EEPD1: variants seen among roughly 807,000 people sequenced by gnomAD.
EEPD1 encodes the protein endonuclease/exonuclease/phosphatase family domain containing 1, also known as endonuclease/exonuclease/phosphatase family domain-containing protein 1.
In EEPD1, 17 loss-of-function variants were observed where a neutral mutation model predicts 46.3. The observed-to-expected ratio is 0.37, with a 90% CI of 0.25 to 0.55. The LOEUF (loss-of-function observed/expected upper bound fraction) is 0.55, where lower values mean the gene tolerates loss of function less well. Ranked by LOEUF, EEPD1 falls within the 20% of genes least tolerant of loss-of-function variation. EEPD1 has a pLI of 0.83. For missense variants in EEPD1, 673 were observed against 745.6 expected (o/e 0.90, Z 1.13); for synonymous variants, 313 against 315.6 (o/e 0.99, Z 0.09).
intron 2 of EEPD1, among the ~76,000 whole-genome samples, chr7:36,226,577 C>T (rs1786235303): frequency 6.6e-6 from 1 of 152,192 alleles, no homozygotes; most frequent in Admixed American, 6.5e-5. Flanking sequence ...GTGAACTCAG[C>T]ACAAAGTAGA....
chr7:36,249,797 G>A (rs749281669), intron 3 of EEPD1, among the ~76,000 whole-genome samples: 39 of 152,036 alleles, frequency 2.6e-4, no homozygotes, highest in Admixed American at 2.0e-3. Flanking sequence ...CCTGTAGCTC[G>A]CATTGTAACT....
chr7:36,169,180 A>C (rs1372896983), intron 2 of EEPD1, among the ~76,000 whole-genome samples: 1 of 152,200 alleles, frequency 6.6e-6, no homozygotes, highest in Non-Finnish European at 1.5e-5. Context: ...TGCTAAGAAC[A>C]TTCATGTACA....
At chr7:36,214,556 G>T (rs921915487) in intron 2 of EEPD1, among the ~76,000 whole-genome samples, 2 of 152,130 alleles carry the variant, frequency 1.3e-5, no homozygotes, top group Non-Finnish European at 1.5e-5. Context: ...CAGTCTGGTC[G>T]CATCTGCCTC....
In EEPD1 at chr7:36,247,122, CAA is replaced by C. The variant is rs35947069; in HGVS notation, c.930+8102_930+8103del. Among the ~76,000 whole-genome samples the C allele has an allele frequency of 2.0e-3, 210 of 107,206 alleles. 1 individual carries two copies. The highest frequency in any genetic ancestry group is 4.3e-3 in the Middle Eastern group (1 of 234). 70.3% of individuals were successfully genotyped at this position (107,206 alleles called of 152,430 possible). ...TGGGTGACAGAGTGAGACTCCATCT[CAA>C]AAAAAAAAAAAAAAAGAAAAGAAAA... On this transcript the variant is annotated intron_variant, in intron 3 of 7. Transcript: ENST00000242108.
At chr7:36,202,387 C>T (rs1466148837) in intron 2 of EEPD1, among the ~76,000 whole-genome samples, 2 of 152,126 alleles carry the variant, frequency 1.3e-5, no homozygotes, top group East Asian at 3.9e-4. Context: ...TTATTTTCTG[C>T]AGGGACTTGG....
At chr7:36,274,251 C>T (rs1336851789) in intron 3 of EEPD1, among the ~76,000 whole-genome samples, 1 of 152,172 alleles carries the variant, frequency 6.6e-6, no homozygotes, top group East Asian at 1.9e-4. Flanking sequence ...GCTTTATGAC[C>T]ATGTTACATC....
intron 6 of EEPD1, among the ~76,000 whole-genome samples, chr7:36,291,755 C>T (rs557503941): frequency 4.6e-5 from 7 of 152,310 alleles, no homozygotes; most frequent in African/African-American, 1.2e-4. Context: ...TGCCAAGTGT[C>T]GTGGATACAT....
At chr7:36,238,488 C>T (rs919826421) in intron 2 of EEPD1, among the ~76,000 whole-genome samples, 1 of 152,160 alleles carries the variant, frequency 6.6e-6, no homozygotes, top group African/African-American at 2.4e-5. Context: ...TAAGTGGGAT[C>T]GTATAGTATT....
chr7:36,238,561 G>A (rs1562697982), intron 2 of EEPD1, among the ~76,000 whole-genome samples: 2 of 152,194 alleles, frequency 1.3e-5, no homozygotes, highest in South Asian at 2.1e-4. Flanking sequence ...GGCGTGGCAT[G>A]TATCAGAATG....
chr7:36,160,701 G>C (rs1221155622), intron 2 of EEPD1, among the ~76,000 whole-genome samples: 1 of 151,564 alleles, frequency 6.6e-6, no homozygotes, highest in Admixed American at 6.6e-5. Flanking sequence ...GCATGGAGAG[G>C]GTCCTGGGAG....
chr7:36,154,134 C>T lies in EEPD1; in HGVS notation c.-191C>T, dbSNP rs993799887. The stretch of plus-strand genomic sequence containing the variant: ...TATGTTTATTGATTTATTTTCTAGG[C>T]GGCCAAGTGAAAGGTAATTTTGGAC... On this transcript the variant is annotated splice_region_variant and 5_prime_UTR_variant, in exon 2 of 8. Transcript: ENST00000242108. The surrounding 1 kb of genome is among the most constrained non-coding windows in gnomAD (Gnocchi z 4.2). 6 of 650,654 alleles carry T rather than the reference C, an allele frequency of 9.2e-6. No individual in the cohort carries two copies. Among genetic ancestry groups the T allele is most frequent in the Admixed American group, 3.0e-5 (1 of 33,170 alleles). 40.3% of individuals were successfully genotyped at this position (650,654 alleles called of 1,614,324 possible).
intron 4 of EEPD1, among the ~76,000 whole-genome samples, chr7:36,281,747 G>A (rs1562711725): frequency 6.6e-6 from 1 of 152,046 alleles, no homozygotes; most frequent in Non-Finnish European, 1.5e-5. Flanking sequence ...GTAAATACAC[G>A]TTTTCCCTCA....
chr7:36,158,521 C>T (rs1784857768), intron 2 of EEPD1, among the ~76,000 whole-genome samples: 2 of 152,170 alleles, frequency 1.3e-5, no homozygotes, highest in South Asian at 4.1e-4. Context: ...CTTCTTACAG[C>T]ATGTGTGAGC....
chr7:36,162,297 A>G (rs541050547), intron 2 of EEPD1, among the ~76,000 whole-genome samples: 1 of 152,350 alleles, frequency 6.6e-6, no homozygotes, highest in East Asian at 1.9e-4. Flanking sequence ...GCTCAGAGTA[A>G]ACATTTCATT....
chr7:36,251,298 G>GTTTC lies in EEPD1; in HGVS notation c.930+12288_930+12291dup, dbSNP rs372389551. 8.4e-3 allele frequency among the ~76,000 whole-genome samples: 1,268 copies of GTTTC among 151,682 alleles called. 14 individuals are homozygous for GTTTC. Among genetic ancestry groups the GTTTC allele is most frequent in the African/African-American group, 0.023 (936 of 41,376 alleles). Reference sequence around the variant, plus strand: ...TTTCTCTTCTTTCCTCTACTGGTAGGTTTCTTTCTTTCTTTCTTTCTTTCT... The same window carrying GTTTC: ...TTTCTCTTCTTTCCTCTACTGGTAGGTTTCTTTCTTTCTTTCTTTCTTTCTTTCT... On this transcript the variant is annotated intron_variant, in intron 3 of 7. Coordinates refer to ENST00000242108, the MANE Select transcript of EEPD1 (RefSeq NM_030636.3).
intron 2 of EEPD1, among the ~76,000 whole-genome samples, chr7:36,155,443 C>G (rs1309665343): frequency 6.6e-6 from 1 of 152,140 alleles, no homozygotes; most frequent in Admixed American, 6.5e-5. Context: ...GAGACTGATT[C>G]ATAATTTTGG....
At chr7:36,296,949 C>T (rs1787535129) in intron 6 of EEPD1, 44 bp from the exon 7 acceptor site, 10 of 1,598,280 alleles carry the variant, frequency 6.3e-6, no homozygotes, top group Non-Finnish European at 7.7e-6. Context: ...TTGGGTTTTA[C>T]TTCCCAACAA....
intron 2 of EEPD1, among the ~76,000 whole-genome samples, chr7:36,159,636 C>T (rs1784872872): frequency 6.6e-6 from 1 of 152,220 alleles, no homozygotes; most frequent in Non-Finnish European, 1.5e-5. Flanking sequence ...CCCAGCCCAC[C>T]CACATTTCCT....
intron 3 of EEPD1, among the ~76,000 whole-genome samples, chr7:36,244,492 C>G (rs545102315): frequency 1.1e-4 from 16 of 152,286 alleles, no homozygotes; most frequent in Non-Finnish European, 2.2e-4. Flanking sequence ...CTTAAAATGA[C>G]CAGCCATTTG....
Sources: allele counts gnomAD v4.1 joint callset (sites outside exome capture counted in the v4.1 genomes callset), GRCh38; gene constraint gnomAD v4.1.1; non-coding constraint Gnocchi (gnomAD v3.1); transcripts MANE v1.5; gene names NCBI Gene and HGNC (gene_info 2026-07-23, HGNC 2026-07-21).